Variants in ALG8 observed in about 807,000 individuals in gnomAD.
The protein encoded by ALG8 is ALG8 alpha-1,3-glucosyltransferase, also known as dolichyl pyrophosphate Glc1Man9GlcNAc2 alpha-1,3-glucosyltransferase.
ALG8 carries 48 observed loss-of-function variants against 70.2 expected under a neutral mutation model. That is an observed-to-expected ratio of 0.68 (90% CI 0.54 to 0.87). The LOEUF (loss-of-function observed/expected upper bound fraction) is 0.87, where lower values mean the gene tolerates loss of function less well. Ranked by LOEUF, ALG8 falls within the 40% of genes least tolerant of loss-of-function variation. ALG8 has a pLI of 0.00. For synonymous variants in ALG8, 234 were observed against 229.0 expected (o/e 1.02, Z -0.20); for missense variants, 572 against 608.7 (o/e 0.94, Z 0.64).
At chr11:78,112,886 T>TAGTAAGTA in intron 7 of ALG8, 116 bp from the exon 8 acceptor site, 1 of 1,308,056 alleles carries the variant, frequency 7.6e-7, no homozygotes. Flanking sequence ...GTCTGGGTTC[T>TAGTAAGTA]AGTAAGTAAG....
Position 78,127,440 on chromosome 11 carries a change from C to G in ALG8, c.96-4G>C. The G allele has an allele frequency of 6.2e-7, 1 of 1,612,202 alleles. No homozygotes were observed. Among genetic ancestry groups the G allele is most frequent in the Non-Finnish European group, 8.5e-7 (1 of 1,178,400 alleles). ...TACTTCAAAATCTGTGGAATGGCTA[C>G]TCAAAACAATTAGATAAATAAAATG... is the stretch of plus-strand genomic sequence containing the variant. On this transcript the variant is annotated splice_region_variant and splice_polypyrimidine_tract_variant and intron_variant, in intron 1 of 12. Coordinates refer to ENST00000299626, the MANE Select transcript of ALG8 (RefSeq NM_024079.5).
intron 3 of ALG8, among the ~76,000 whole-genome samples, chr11:78,123,078 C>T (rs657417): frequency 0.22 from 32,938 of 151,630 alleles, 4,374 homozygotes; most frequent in African/African-American, 0.38. Flanking sequence ...GAGGCCGAGG[C>T]GGGTGGATCA....
At chr11:78,110,950 A>T (rs1860260153) in intron 8 of ALG8, among the ~76,000 whole-genome samples, 1 of 152,136 alleles carries the variant, frequency 6.6e-6, no homozygotes, top group African/African-American at 2.4e-5. Context: ...CAGCTTCCTG[A>T]CTCAGACAAG....
At chr11:78,139,146 C>T (rs1041734574) in intron 1 of ALG8, 3 of 380,776 alleles carry the variant, frequency 7.9e-6, no homozygotes, top group Admixed American at 4.0e-5. Flanking sequence ...TGCTCACCAC[C>T]GCATCTCCCG....
chr11:78,113,184 AAACATCTG>A (rs1389127038), intron 7 of ALG8, among the ~76,000 whole-genome samples: 1 of 152,200 alleles, frequency 6.6e-6, no homozygotes. Flanking sequence ...GGAAGAAAGA[AAACATCTG>A]AACATCTGTT....
chr11:78,106,392 T>C (rs1476787100), intron 10 of ALG8, among the ~76,000 whole-genome samples: 1 of 152,062 alleles, frequency 6.6e-6, no homozygotes, highest in Non-Finnish European at 1.5e-5. Context: ...AGAGATGGGG[T>C]TTCACCATGT....
At chr11:78,105,377 T>C (rs767147081) in intron 10 of ALG8, among the ~76,000 whole-genome samples, 86 of 152,254 alleles carry the variant, frequency 5.6e-4, no homozygotes, top group South Asian at 3.5e-3. Context: ...TTTAAAATGG[T>C]TTTTTTAGCA....
At chr11:78,110,750 A>G (rs1015886402) in intron 8 of ALG8, among the ~76,000 whole-genome samples, 1 of 152,216 alleles carries the variant, frequency 6.6e-6, no homozygotes, top group Non-Finnish European at 1.5e-5. Context: ...GCCAGTGAAA[A>G]TGAATACAAT....
chr11:78,101,156 G>T lies in ALG8; in HGVS notation c.1389C>A (p.Tyr463Ter). ...KPLFNWMETF[Y>*]LLGLGPLEVC... Reference sequence around the variant, plus strand: ...CTTCCAGAGGCCCCAGGCCAAGCAGGTAGAAAGTTTCCATCCAATTAAAAA... The same window carrying T: ...CTTCCAGAGGCCCCAGGCCAAGCAGTTAGAAAGTTTCCATCCAATTAAAAA... The change falls in exon 13 of 13, where the codon TAC (tyrosine) becomes TAA (stop). Residue 463 changes from tyrosine (Y) to a stop codon, truncating the protein, a stop_gained. Coordinates refer to ENST00000299626, the MANE Select transcript of ALG8 (RefSeq NM_024079.5). LOFTEE classifies it high-confidence loss of function. 1.2e-6 allele frequency: 2 copies of T among 1,614,160 alleles called. No individual in the cohort carries two copies. Among genetic ancestry groups the T allele is most frequent in the South Asian group, 2.2e-5 (2 of 91,080 alleles).
chr11:78,137,748 T>C (rs760567012), intron 1 of ALG8: 1 of 152,176 alleles, frequency 6.6e-6, no homozygotes, highest in African/African-American at 2.4e-5. Flanking sequence ...GCAATCAGAA[T>C]AGTAGTATCA....
chr11:78,122,125 T>G (rs1456536980), intron 3 of ALG8, among the ~76,000 whole-genome samples: 2 of 152,184 alleles, frequency 1.3e-5, no homozygotes, highest in African/African-American at 2.4e-5. Flanking sequence ...ATATTGAAAA[T>G]GTGCTACATT....
intron 10 of ALG8, among the ~76,000 whole-genome samples, chr11:78,104,735 G>T (rs528979696): frequency 6.6e-6 from 1 of 152,060 alleles, no homozygotes; most frequent in Non-Finnish European, 1.5e-5. Context: ...AGGCCGAGGC[G>T]GGAGGATCAC....
chr11:78,101,492 G>C (rs1417979890), intron 12 of ALG8, among the ~76,000 whole-genome samples: 2 of 152,148 alleles, frequency 1.3e-5, no homozygotes. Flanking sequence ...AGCCGACCAG[G>C]GTGGCACAGG....
In ALG8 at chr11:78,109,496, G is replaced by T. The variant is rs757467776; in HGVS notation, c.984C>A (p.Val328=). The change falls in exon 9 of 13, where the codon GTC becomes GTA. Residue 328 remains valine, a synonymous_variant. Transcript: ENST00000299626. The part of the protein sequence containing the change: ...SGLVQQFQHT[V]LPSVTPLATL... ...TTGCCAAGGGAGTCACTGAGGGAAGGACTGTGTGTTGGAACTGCTGAACCA... is the reference window on the plus strand; with the variant it reads ...TTGCCAAGGGAGTCACTGAGGGAAGTACTGTGTGTTGGAACTGCTGAACCA... 8.7e-6 allele frequency: 14 copies of T among 1,614,140 alleles called. No individual in the cohort carries two copies. The Admixed American group carries it at 2.2e-4, about 25-fold the overall frequency.
At position 78,101,101 on chromosome 11, in the gene ALG8, A is replaced by T; in HGVS notation, c.1444T>A (p.Ser482Thr). The change falls in exon 13 of 13, where the codon TCC becomes ACC. Residue 482 changes from serine (S) to threonine (T), a missense_variant. By Grantham distance (58) the Ser-to-Thr change is moderately conservative (BLOSUM62 1). Coordinates refer to ENST00000299626, the MANE Select transcript of ALG8 (RefSeq NM_024079.5). ...ATGAAGGGGTACTTCACCTTCCAGG[A>T]GGTGAAAGGGAATACAAATTCACAG... ...VCCEFVFPFTSWKVKYPFIPL... is the reference protein window; with the variant it reads ...VCCEFVFPFTTWKVKYPFIPL... The T allele has an allele frequency of 1.9e-6, 3 of 1,614,222 alleles. No homozygotes were observed. Among genetic ancestry groups the T allele is most frequent in the Non-Finnish European group, 2.5e-6 (3 of 1,180,032 alleles).
chr11:78,127,330 A>G lies in ALG8; in HGVS notation c.174+28T>C, dbSNP rs761668902. 3.8e-6 allele frequency: 6 copies of G among 1,572,142 alleles called. No individual in the cohort carries two copies. In the African/African-American group the frequency reaches 8.2e-5, roughly 21 times the overall value. On this transcript the variant is annotated intron_variant, in intron 2 of 12. Transcript: ENST00000299626. The stretch of plus-strand genomic sequence containing the variant: ...TACCTAGTTTATAGATGAATCTTAA[A>G]AAAAAAAAGGTGAAAATTAAAACTT...
intron 9 of ALG8, among the ~76,000 whole-genome samples, chr11:78,108,388 C>T (rs986841232): frequency 6.6e-6 from 1 of 152,138 alleles, no homozygotes; most frequent in African/African-American, 2.4e-5. Flanking sequence ...AGGAGAATCG[C>T]CACTGCACTC....
chr11:78,121,271 C>A (rs1013259366), intron 3 of ALG8, 97 bp from the exon 4 acceptor site: 137 of 770,878 alleles, frequency 1.8e-4, no homozygotes, highest in Non-Finnish European at 2.7e-4. Context: ...TCATTCCTGA[C>A]AAACTACATG....
intron 5 of ALG8, among the ~76,000 whole-genome samples, chr11:78,115,293 C>G (rs1475081659): frequency 6.6e-6 from 1 of 152,014 alleles, no homozygotes; most frequent in Non-Finnish European, 1.5e-5. Flanking sequence ...CTCGGCCTCC[C>G]AAAGTGCTGG....
Sources: allele counts gnomAD v4.1 joint callset (sites outside exome capture counted in the v4.1 genomes callset), GRCh38; gene constraint gnomAD v4.1.1; transcripts MANE v1.5; gene names NCBI Gene and HGNC (gene_info 2026-07-23, HGNC 2026-07-21).